Variants in NID1 observed in about 807,000 individuals in gnomAD.
NID1 encodes the protein nidogen 1, also known as nidogen-1.
NID1 carries 76 observed loss-of-function variants against 130.6 expected under a neutral mutation model. The ratio of observed to expected loss-of-function variants is 0.58; its 90% CI spans 0.48 to 0.70. The LOEUF (loss-of-function observed/expected upper bound fraction) is 0.70. Among genes scored for constraint, NID1 ranks in the 30% least tolerant of loss-of-function variants. The probability of loss-of-function intolerance (pLI) is 0.00; values close to 1 mark genes in which losing one functional copy is unlikely to be tolerated. For synonymous variants in NID1, 665 were observed against 675.1 expected, an observed-to-expected ratio of 0.98 and a Z score of 0.23; for missense variants, 1,517 against 1,664.8, an observed-to-expected ratio of 0.91 and a Z score of 1.54.
chr1:236,048,586 A>G, intron 2 of NID1, 104 bp downstream of exon 2: 2 of 1,283,606 alleles, frequency 1.6e-6, no homozygotes, highest in Non-Finnish European at 2.1e-6. Context: ...TCCTGTCTTT[A>G]TCAATGGTGT....
intron 9 of NID1, among the ~76,000 whole-genome samples, chr1:236,018,950 A>G (rs1320434096): frequency 6.6e-6 from 1 of 152,182 alleles, no homozygotes; most frequent in Non-Finnish European, 1.5e-5. Context: ...CTACTGGCCT[A>G]TTGGTCAACA....
At chr1:236,039,035 A>C (rs1202157727) in intron 4 of NID1, among the ~76,000 whole-genome samples, 1 of 129,940 alleles carries the variant, frequency 7.7e-6, no homozygotes, top group Non-Finnish European at 1.6e-5. Context: ...ATATTATATA[A>C]TATATATTTA....
intron 11 of NID1, among the ~76,000 whole-genome samples, chr1:236,013,180 T>C (rs1658482514): frequency 6.6e-6 from 1 of 152,220 alleles, no homozygotes; most frequent in Non-Finnish European, 1.5e-5. Flanking sequence ...AATTGTCACC[T>C]GAATGAACTA....
rs1272762922 is a variant in NID1, at chr1:235,979,167, A to C, written c.3510-60T>G. The C allele has an allele frequency of 9.4e-7, 1 of 1,064,926 alleles. No individual in the cohort carries two copies. Among genetic ancestry groups the C allele is most frequent in the East Asian group, 2.4e-5 (1 of 41,770 alleles). 66.0% of individuals were successfully genotyped at this position (1,064,926 alleles called of 1,614,324 possible). A position where few individuals can be genotyped will look rare whatever the true frequency, so the allele number is the denominator to read the frequency against. On this transcript the variant is annotated intron_variant, in intron 18 of 19. Coordinates refer to ENST00000264187, the MANE Select transcript of NID1 (RefSeq NM_002508.3). The surrounding 1 kb of genome is among the most constrained non-coding windows in gnomAD (Gnocchi z 4.6). Reference sequence around the variant, plus strand: ...ATCTGATGGCTTGAACTTGTATCTAAACAAGGCAGCCTCTTTGTCATTTTG... The same window carrying C: ...ATCTGATGGCTTGAACTTGTATCTACACAAGGCAGCCTCTTTGTCATTTTG...
At chr1:236,019,994 G>A (rs1480132616) in intron 9 of NID1, among the ~76,000 whole-genome samples, 6 of 142,282 alleles carry the variant, frequency 4.2e-5, no homozygotes, top group East Asian at 2.1e-4. Context: ...CCGAAATTGC[G>A]CCATTGTACT....
chr1:236,006,893 G>A (rs1177160946), intron 12 of NID1, among the ~76,000 whole-genome samples: 2 of 152,182 alleles, frequency 1.3e-5, no homozygotes, highest in Admixed American at 6.5e-5. Context: ...AATGGAAGAT[G>A]AGAGAGGAGG....
At chr1:236,031,534 C>T (rs1572607402) in intron 6 of NID1, among the ~76,000 whole-genome samples, 2 of 152,330 alleles carry the variant, frequency 1.3e-5, no homozygotes, top group Admixed American at 1.3e-4. Flanking sequence ...GACCCTGCTT[C>T]CAGCAGTGTT....
At chr1:236,019,316 C>T (rs773244163) in intron 9 of NID1, among the ~76,000 whole-genome samples, 1 of 152,228 alleles carries the variant, frequency 6.6e-6, no homozygotes, top group Non-Finnish European at 1.5e-5. Flanking sequence ...AGAGGACACT[C>T]CCAGCACAGA....
chr1:236,064,757 G>T, intron 1 of NID1, 98 bp downstream of exon 1: 1 of 1,182,846 alleles, frequency 8.5e-7, no homozygotes, highest in Non-Finnish European at 1.2e-6. Context: ...AGCGGGTCCG[G>T]GTCCCCGCCT....
chr1:236,048,532 T>C (rs1177904313), intron 2 of NID1, among the ~76,000 whole-genome samples, 158 bp downstream of exon 2: 1 of 151,860 alleles, frequency 6.6e-6, no homozygotes, highest in Non-Finnish European at 1.5e-5. Flanking sequence ...CTTTTGGAGG[T>C]TTGGGACCTG....
chr1:236,057,284 G>A (rs981042370), intron 1 of NID1, among the ~76,000 whole-genome samples: 7 of 152,106 alleles, frequency 4.6e-5, no homozygotes, highest in African/African-American at 7.2e-5. Context: ...TTATGGGATC[G>A]CACTTTAGTT....
At position 235,977,947 on chromosome 1, in the gene NID1, G is replaced by A; in HGVS notation, c.3664C>T (p.Leu1222=). 6.2e-7 allele frequency: 1 copy of A among 1,614,138 alleles called. No individual in the cohort carries two copies. Among genetic ancestry groups the A allele is most frequent in the Non-Finnish European group, 8.5e-7 (1 of 1,180,012 alleles). ...CTGCTCCCTGGGGTGGCCAAGCATAGGTGGGTGCAGCCGCCATTGTTCACT... is the reference window on the plus strand; with the variant it reads ...CTGCTCCCTGGGGTGGCCAAGCATAAGTGGGTGCAGCCGCCATTGTTCACT... ...CSVNNGGCTH[L]CLATPGSRTC... is the part of the protein sequence containing the mutation. The change falls in exon 20 of 20, where the codon CTA becomes TTA. Residue 1222 remains leucine (L), a synonymous_variant. Coordinates refer to ENST00000264187, the MANE Select transcript of NID1 (RefSeq NM_002508.3).
chr1:236,025,895 C>G lies in NID1; in HGVS notation c.1984+1G>C, dbSNP rs1402275427. 1.2e-6 allele frequency: 2 copies of G among 1,613,870 alleles called. No individual in the cohort carries two copies. The highest frequency in any genetic ancestry group is 4.5e-5 in the East Asian group (2 of 44,854). On this transcript the variant is annotated splice_donor_variant, in intron 8 of 19. Transcript: ENST00000264187. LOFTEE classifies it high-confidence loss of function. ...GCCCAGCATGAGCTGTATCCCCTTA[C>G]CCCTCACAGGCCCAATGGAGTTGCT...
At chr1:236,006,015 C>G (rs1475346645) in intron 12 of NID1, among the ~76,000 whole-genome samples, 1 of 152,164 alleles carries the variant, frequency 6.6e-6, no homozygotes, top group Non-Finnish European at 1.5e-5. Flanking sequence ...GAACTAAGAG[C>G]TCCTGTCTCC....
chr1:235,979,927 C>T lies in NID1; in HGVS notation c.3404G>A (p.Cys1135Tyr), dbSNP rs1330500119. ...WVDAGTNRAE[C>Y]LNPSQPSRRK... Reference sequence around the variant, plus strand: ...TCTGCTGGGCTGACTGGGGTTCAGGCATTCCGCCCGATTGGTGCCTGTGTG... The same window carrying T: ...TCTGCTGGGCTGACTGGGGTTCAGGTATTCCGCCCGATTGGTGCCTGTGTG... The change falls in exon 18 of 20, where the codon TGC (cysteine) becomes TAC (tyrosine). Residue 1135 changes from cysteine (C) to tyrosine (Y), a missense_variant. By Grantham distance (194) the Cys-to-Tyr change is radical (BLOSUM62 -2). Transcript: ENST00000264187. The surrounding 1 kb of genome is among the most constrained non-coding windows in gnomAD (Gnocchi z 4.6). The T allele has an allele frequency of 6.2e-7, 1 of 1,614,118 alleles. No individual in the cohort carries two copies.
At chr1:236,061,996 C>T (rs1194631500) in intron 1 of NID1, among the ~76,000 whole-genome samples, 18 of 152,112 alleles carry the variant, frequency 1.2e-4, no homozygotes, top group Non-Finnish European at 4.4e-5. Context: ...ATGGTGCTGT[C>T]GCTTTGGAAA....
In NID1 at chr1:235,993,751, G is replaced by T; in HGVS notation, c.2649C>A (p.His883Gln). Residue 883 changes from histidine (H) to glutamine (Q), a missense_variant, in exon 13 of 20, where the codon CAC becomes CAA. Physicochemically the swap from His to Gln is conservative, Grantham distance 24. Transcript: ENST00000264187. ...TGCCGTGGCACTGGGTGGGCGCGTAGTGCCCGTGCGCATCGCACTCAGGAA... is the reference window on the plus strand; with the variant it reads ...TGCCGTGGCACTGGGTGGGCGCGTATTGCCCGTGCGCATCGCACTCAGGAA... The part of the protein sequence containing the change: ...LFVPECDAHG[H>Q]YAPTQCHGST... 6.2e-7 allele frequency: 1 copy of T among 1,613,774 alleles called. No individual in the cohort carries two copies. Among genetic ancestry groups the T allele is most frequent in the Middle Eastern group, 1.6e-4 (1 of 6,062 alleles).
At chr1:236,054,082 G>GAAAT (rs1333767466) in intron 1 of NID1, among the ~76,000 whole-genome samples, 2 of 152,158 alleles carry the variant, frequency 1.3e-5, no homozygotes, top group African/African-American at 2.4e-5. Flanking sequence ...CTAAAATGGA[G>GAAAT]AAATATCTAG....
intron 2 of NID1, among the ~76,000 whole-genome samples, chr1:236,047,128 A>T (rs930545715): frequency 3.9e-5 from 6 of 152,190 alleles, no homozygotes; most frequent in Non-Finnish European, 8.8e-5. Context: ...AAACAAAAAC[A>T]AAAACAAAAA....
Sources: gnomAD v4.1 joint callset for allele counts (sites outside exome capture counted in the v4.1 genomes callset) on GRCh38, gnomAD v4.1.1 for gene constraint, Gnocchi (gnomAD v3.1) non-coding constraint, MANE v1.5 for transcripts, NCBI Gene and HGNC (gene_info 2026-07-23, HGNC 2026-07-21) for gene names.